CTH: variants seen among roughly 807,000 people sequenced by gnomAD.
The protein encoded by CTH is cystathionine gamma-lyase.
A neutral mutation model predicts 50.6 loss-of-function variants in CTH; 41 were observed. The observed-to-expected ratio is 0.81, with a 90% CI of 0.63 to 1.05. CTH has a LOEUF of 1.05. Among genes scored for constraint, CTH ranks in the 50% least tolerant of loss-of-function variants. The pLI, the probability that CTH is intolerant of heterozygous loss-of-function variation, is 0.00. For synonymous variants in CTH, 156 were observed against 168.9 expected (o/e 0.92, Z 0.59); for missense variants, 470 against 492.6 (o/e 0.95, Z 0.43).
In CTH at chr1:70,438,127, C is replaced by T. The variant is rs186062341; in HGVS notation, c.1053-561C>T. 7.2e-5 allele frequency among the ~76,000 whole-genome samples: 11 copies of T among 152,200 alleles called. No homozygotes were observed. In the East Asian group the frequency reaches 1.5e-3, roughly 21 times the overall value. On this transcript the variant is annotated intron_variant, in intron 10 of 11. Coordinates refer to ENST00000370938, the MANE Select transcript of CTH (RefSeq NM_001902.6). ...TGATGATGGTAATGGGCTGCTAGAT[C>T]GTTTGAAAAATCCTTCCAGGCCTCT... is the stretch of plus-strand genomic sequence containing the variant.
chr1:70,418,946 G>A (rs1479785421), intron 3 of CTH, among the ~76,000 whole-genome samples: 1 of 150,878 alleles, frequency 6.6e-6, no homozygotes, highest in Non-Finnish European at 1.5e-5. Flanking sequence ...TTAGCATTAG[G>A]TATATCTCCT....
chr1:70,427,164 C>A (rs1684363626), intron 5 of CTH, among the ~76,000 whole-genome samples: 1 of 152,124 alleles, frequency 6.6e-6, no homozygotes, highest in Non-Finnish European at 1.5e-5. Context: ...GGAATATATT[C>A]TCTTTCTTCC....
intron 10 of CTH, among the ~76,000 whole-genome samples, chr1:70,436,307 G>A (rs1684597590): frequency 6.6e-6 from 1 of 152,098 alleles, no homozygotes; most frequent in African/African-American, 2.4e-5. Context: ...CAGCCTGGGT[G>A]ATGCAGCGAG....
intron 1 of CTH, 53 bp downstream of exon 1, chr1:70,411,636 G>C (rs1223537322): frequency 5.0e-5 from 79 of 1,574,702 alleles, no homozygotes; most frequent in Non-Finnish European, 6.5e-5. Flanking sequence ...AAGAGATACG[G>C]CTTATGAATT....
intron 2 of CTH, among the ~76,000 whole-genome samples, chr1:70,416,736 T>C (rs1048827568): frequency 2.6e-5 from 4 of 151,998 alleles, no homozygotes; most frequent in African/African-American, 9.7e-5. Context: ...GCTAATTTTT[T>C]GTATTTTTAG....
At chr1:70,428,678 A>C (rs542085562) in intron 5 of CTH, among the ~76,000 whole-genome samples, 3 of 151,406 alleles carry the variant, frequency 2.0e-5, no homozygotes, top group African/African-American at 7.3e-5. Flanking sequence ...GGTGTCATGA[A>C]AAGCTCACTG....
intron 8 of CTH, among the ~76,000 whole-genome samples, 179 bp from the exon 9 acceptor site, chr1:70,433,649 G>C (rs889108592): frequency 2.0e-5 from 3 of 152,150 alleles, no homozygotes; most frequent in Admixed American, 1.3e-4. Flanking sequence ...GGGTAGAAAA[G>C]ATGAGGCAAC....
intron 5 of CTH, among the ~76,000 whole-genome samples, chr1:70,428,714 G>T (rs1286103128): frequency 6.6e-6 from 1 of 151,956 alleles, no homozygotes; most frequent in Non-Finnish European, 1.5e-5. Flanking sequence ...GGGTTCAAGT[G>T]ATTCTCCTGC....
rs758296437 is a variant in CTH at position 70,411,464 on chromosome 1, C to A, written c.49C>A (p.His17Asn). ...ACAAGGTTTCCTGCCACACTTCCAA[C>A]ATTTCGCCACGCAGGCGATCCATGT... is the stretch of plus-strand genomic sequence containing the variant. Reference protein sequence around the residue: ...SSQGFLPHFQHFATQAIHVGQ... With the variant: ...SSQGFLPHFQNFATQAIHVGQ... The change falls in exon 1 of 12, where the codon CAT becomes AAT. Residue 17 changes from histidine (H) to asparagine (N), a missense_variant. By Grantham distance (68) the His-to-Asn change is moderately conservative. Coordinates refer to ENST00000370938, the MANE Select transcript of CTH (RefSeq NM_001902.6). The A allele has an allele frequency of 1.1e-5, 17 of 1,614,078 alleles. No homozygotes were observed. Among genetic ancestry groups the A allele is most frequent in the African/African-American group, 2.7e-5 (2 of 74,930 alleles).
intron 10 of CTH, among the ~76,000 whole-genome samples, chr1:70,435,894 C>T (rs1684587387): frequency 1.3e-5 from 2 of 152,194 alleles, no homozygotes; most frequent in Admixed American, 1.3e-4. Context: ...CGCAGCTTCA[C>T]TCTTGGATTT....
At chr1:70,413,739 C>CTTTT (rs765540452) in intron 1 of CTH, among the ~76,000 whole-genome samples, 17 of 118,212 alleles carry the variant, frequency 1.4e-4, no homozygotes, top group South Asian at 2.9e-4. Context: ...TGCTTAATAT[C>CTTTT]TTTTTTTTTT....
At chr1:70,420,173 G>A (rs1684183857) in intron 3 of CTH, among the ~76,000 whole-genome samples, 1 of 151,994 alleles carries the variant, frequency 6.6e-6, no homozygotes, top group African/African-American at 2.4e-5. Context: ...TGTGTTTTTA[G>A]TAGAGCCAGG....
At chr1:70,430,548 A>T (rs1012409373) in intron 7 of CTH, among the ~76,000 whole-genome samples, 154 bp downstream of exon 7, 2 of 148,484 alleles carry the variant, frequency 1.3e-5, no homozygotes, top group African/African-American at 4.9e-5. Context: ...TTATTTATTA[A>T]TTTTTTTTTT....
At position 70,424,886 on chromosome 1, in the gene CTH, G is replaced by A. The variant is rs1455498776; in HGVS notation, c.588+470G>A. 6.6e-5 allele frequency among the ~76,000 whole-genome samples: 10 copies of A among 151,966 alleles called. No homozygotes were observed. In the East Asian group the frequency reaches 1.6e-3, roughly 24 times the overall value. ...GGAGCTTGCAGTGAGCTGAGATGAC[G>A]CCAGTGCACTCCAGCCTGGGTGACA... On this transcript the variant is annotated intron_variant, in intron 5 of 11. Coordinates refer to ENST00000370938, the MANE Select transcript of CTH (RefSeq NM_001902.6).
intron 9 of CTH, 36 bp from the exon 10 acceptor site, chr1:70,435,089 A>G (rs1553127943): frequency 1.4e-5 from 22 of 1,579,616 alleles, no homozygotes; most frequent in Non-Finnish European, 1.7e-5. Flanking sequence ...TTTTTATTTT[A>G]CTAGAAAATC....
At chr1:70,416,718 C>T (rs1684100671) in intron 2 of CTH, among the ~76,000 whole-genome samples, 1 of 152,098 alleles carries the variant, frequency 6.6e-6, no homozygotes, top group Non-Finnish European at 1.5e-5. Flanking sequence ...TGCCTGCCAC[C>T]ACGCCCAGCT....
At chr1:70,418,792 T>C (rs557282809) in intron 3 of CTH, among the ~76,000 whole-genome samples, 11 of 152,214 alleles carry the variant, frequency 7.2e-5, no homozygotes, top group Non-Finnish European at 1.5e-4. Flanking sequence ...CAAAAATTTG[T>C]TGAGAGATAT....
Position 70,411,395 on chromosome 1 carries a change from C to T in CTH, c.-21C>T, listed in dbSNP as rs753307642. On this transcript the variant is annotated 5_prime_UTR_variant, in exon 1 of 12. Coordinates refer to ENST00000370938, the MANE Select transcript of CTH (RefSeq NM_001902.6). ...TATATCTTCGGTGTTCTTTTCCTCT[C>T]TTCTTCTTTCGCGGTTCAGCATGCA... 6 of 1,613,230 alleles carry T rather than the reference C, an allele frequency of 3.7e-6. No homozygotes were observed. The highest frequency in any genetic ancestry group is 1.6e-4 in the Middle Eastern group (1 of 6,084).
rs567991643 is a variant in CTH, at chr1:70,439,344, G to T, written c.*217G>T. On this transcript the variant is annotated 3_prime_UTR_variant, in exon 12 of 12. Transcript: ENST00000370938. ...AGGTCAATTCTGTTAATATCTTTTT[G>T]TTAATTTTGCTCTATGTTTGCCTCT... 4.3e-4 allele frequency: 245 copies of T among 564,388 alleles called. 6 individuals carry two copies. In the South Asian group the frequency reaches 5.4e-3, roughly 12 times the overall value. 35.0% of individuals were successfully genotyped at this position (564,388 alleles called of 1,614,324 possible).
Sources: allele counts gnomAD v4.1 joint callset (sites outside exome capture counted in the v4.1 genomes callset), GRCh38; gene constraint gnomAD v4.1.1; transcripts MANE v1.5; gene names NCBI Gene and HGNC (gene_info 2026-07-23, HGNC 2026-07-21).